Variants in STAT4 observed in about 807,000 individuals in gnomAD.
The protein encoded by STAT4 is signal transducer and activator of transcription 4.
Under a neutral mutation model 110.5 loss-of-function variants are expected in STAT4, and 42 were observed. That is an observed-to-expected ratio of 0.38 (90% CI 0.30 to 0.49). The LOEUF is 0.49. STAT4 is among the 20% of genes least tolerant of loss of function. The pLI, the probability that STAT4 is intolerant of heterozygous loss-of-function variation, is 0.95. For synonymous variants in STAT4, 284 were observed against 302.2 expected (o/e 0.94, Z 0.63); for missense variants, 632 against 887.9 (o/e 0.71, Z 3.66).
At chr2:191,034,712 G>A in intron 17 of STAT4, 115 bp from the exon 18 acceptor site, 1 of 763,034 alleles carries the variant, frequency 1.3e-6, no homozygotes, top group Admixed American at 1.8e-5. Context: ...CACTTGATAT[G>A]GGTTTGCAAT....
In STAT4 at chr2:191,050,321, T is replaced by C. The variant is rs1008809960; in HGVS notation, c.1251+4169A>G. 6.6e-6 allele frequency among the ~76,000 whole-genome samples: 1 copy of C among 152,222 alleles called. No individual in the cohort carries two copies. Among genetic ancestry groups the C allele is most frequent in the Non-Finnish European group, 1.5e-5 (1 of 68,034 alleles). On this transcript the variant is annotated intron_variant, in intron 14 of 23. Coordinates refer to ENST00000392320, the MANE Select transcript of STAT4 (RefSeq NM_003151.4). This position sits in a 1 kb window ranked among gnomAD's most constrained non-coding sequence, Gnocchi z 4.3. The stretch of plus-strand genomic sequence containing the variant: ...GGAACAGATTGATGGCCTCAAAGTC[T>C]GGCCACTTTCTAGGTGATGAAATTG...
intron 3 of STAT4, among the ~76,000 whole-genome samples, chr2:191,137,904 G>T (rs1298233486): frequency 6.6e-6 from 1 of 152,174 alleles, no homozygotes; most frequent in Non-Finnish European, 1.5e-5. Context: ...ATTATAAACT[G>T]CTACAAGATA....
At position 191,050,227 on chromosome 2, in the gene STAT4, C is replaced by T. The variant is rs1243178613; in HGVS notation, c.1251+4263G>A. 6.6e-6 allele frequency among the ~76,000 whole-genome samples: 1 copy of T among 152,228 alleles called. No individual in the cohort carries two copies. The highest frequency in any genetic ancestry group is 1.5e-5 in the Non-Finnish European group (1 of 68,044). On this transcript the variant is annotated intron_variant, in intron 14 of 23. Transcript: ENST00000392320. The surrounding 1 kb of genome is among the most constrained non-coding windows in gnomAD (Gnocchi z 4.3). ...CAGTTTTCACATTTCAATAATCACTCTCTAGCTGGCTCCCTGCTAGATAAG... is the reference window on the plus strand; with the variant it reads ...CAGTTTTCACATTTCAATAATCACTTTCTAGCTGGCTCCCTGCTAGATAAG...
At chr2:191,041,179 A>C in intron 14 of STAT4, 31 bp from the exon 15 acceptor site, 173 of 1,263,728 alleles carry the variant, frequency 1.4e-4, no homozygotes, top group Non-Finnish European at 1.7e-4. Context: ...TTGTTACCTC[A>C]CAAATGCATA....
intron 3 of STAT4, among the ~76,000 whole-genome samples, chr2:191,137,224 T>C (rs898425135): frequency 6.6e-6 from 1 of 151,948 alleles, no homozygotes; most frequent in African/African-American, 2.4e-5. Flanking sequence ...ACGCCTGTAG[T>C]CCCAGCTACT....
Position 191,049,394 on chromosome 2 carries a change from T to A in STAT4, c.1251+5096A>T, listed in dbSNP as rs141791535. Among the ~76,000 whole-genome samples, 685 of 152,154 alleles carry A rather than the reference T, an allele frequency of 4.5e-3. 5 individuals are homozygous for A. The highest frequency in any genetic ancestry group is 7.8e-3 in the Non-Finnish European group (529 of 67,990). On this transcript the variant is annotated intron_variant, in intron 14 of 23. Coordinates refer to ENST00000392320, the MANE Select transcript of STAT4 (RefSeq NM_003151.4). ...GGTTTCACTGTGTTAGCCAGGATGG[T>A]CTCACTCTCCTGACCTCGTGATCTG...
intron 3 of STAT4, among the ~76,000 whole-genome samples, chr2:191,137,186 T>C (rs933383328): frequency 2.6e-5 from 4 of 151,730 alleles, no homozygotes; most frequent in African/African-American, 9.7e-5. Flanking sequence ...CTAGTAAAAA[T>C]ACAAACATTA....
At chr2:191,069,513 G>T (rs957078145) in intron 6 of STAT4, among the ~76,000 whole-genome samples, 180 bp downstream of exon 6, 1 of 151,868 alleles carries the variant, frequency 6.6e-6, no homozygotes, top group African/African-American at 2.4e-5. Flanking sequence ...AGTTAAACAC[G>T]CACACACAGA....
chr2:191,094,371 T>C (rs1207360711), intron 3 of STAT4, among the ~76,000 whole-genome samples: 1 of 152,156 alleles, frequency 6.6e-6, no homozygotes, highest in East Asian at 1.9e-4. Flanking sequence ...GGGAAGCCCA[T>C]CAGACTAACA....
intron 13 of STAT4, among the ~76,000 whole-genome samples, chr2:191,057,602 CTT>C (rs112604744): frequency 7.1e-5 from 7 of 98,562 alleles, no homozygotes; most frequent in East Asian, 2.8e-4. Context: ...TTTTCTTTTT[CTT>C]TTTTTTTTTT....
chr2:191,137,470 T>C (rs1559083841), intron 3 of STAT4, among the ~76,000 whole-genome samples: 4 of 152,152 alleles, frequency 2.6e-5, no homozygotes, highest in Admixed American at 6.5e-5. Context: ...CCTATTAAAA[T>C]ACCAATGTCG....
At chr2:191,124,641 GTTTATCAAAC>G (rs1698829846) in intron 3 of STAT4, among the ~76,000 whole-genome samples, 1 of 152,110 alleles carries the variant, frequency 6.6e-6, no homozygotes, top group Non-Finnish European at 1.5e-5. Context: ...ATCACGTAGA[GTTTATCAAAC>G]TCATCTTGTT....
Position 191,146,556 on chromosome 2 carries a change from A to G in STAT4, c.273+57T>C. 2 of 1,325,202 alleles carry G rather than the reference A, an allele frequency of 1.5e-6. No homozygotes were observed. The highest frequency in any genetic ancestry group is 2.8e-5 in the East Asian group (1 of 36,118). The allele number at this position is 1,325,202 out of a possible 1,614,324, so 82.1% of individuals were successfully genotyped here. On this transcript the variant is annotated intron_variant, in intron 3 of 23. Transcript: ENST00000392320. The surrounding 1 kb of genome is among the most constrained non-coding windows in gnomAD (Gnocchi z 4.5). ...ATATAAGGGTACATATTTAATTTTT[A>G]ACTAAATTTAAGACTCATATATCCA...
At position 191,099,131 on chromosome 2, in the gene STAT4, A is replaced by T. The variant is rs1220664367; in HGVS notation, c.274-22806T>A. Among the ~76,000 whole-genome samples the T allele has an allele frequency of 6.6e-6, 1 of 152,074 alleles. No individual in the cohort carries two copies. Among genetic ancestry groups the T allele is most frequent in the Non-Finnish European group, 1.5e-5 (1 of 67,978 alleles). On this transcript the variant is annotated intron_variant, in intron 3 of 23. Transcript: ENST00000392320. The surrounding 1 kb of genome is among the most constrained non-coding windows in gnomAD (Gnocchi z 4.1). ...AGGATGCCCCATCTCCCAAATAGTT[A>T]GGAAAAAAGCAAATTTAAAATAAAG...
At chr2:191,136,756 A>G (rs1352767627) in intron 3 of STAT4, among the ~76,000 whole-genome samples, 1 of 152,202 alleles carries the variant, frequency 6.6e-6, no homozygotes, top group Non-Finnish European at 1.5e-5. Context: ...CTCTGTATCA[A>G]AAAAGAAAAA....
chr2:191,040,654 T>TG (rs1696167483), intron 15 of STAT4, among the ~76,000 whole-genome samples: 1 of 152,256 alleles, frequency 6.6e-6, no homozygotes, highest in African/African-American at 2.4e-5. Flanking sequence ...CTCCACCTCC[T>TG]GGGCTCAATC....
Position 191,060,494 on chromosome 2 carries a change from C to T in STAT4, c.1034+1235G>A, listed in dbSNP as rs1012707588. The stretch of plus-strand genomic sequence containing the variant: ...AGTGCAGTGGCGTGAGTGCAGTGTA[C>T]TGCAACCTCTACCTACTGGGTTCAA... On this transcript the variant is annotated intron_variant, in intron 10 of 23. Coordinates refer to ENST00000392320, the MANE Select transcript of STAT4 (RefSeq NM_003151.4). The surrounding 1 kb of genome is among the most constrained non-coding windows in gnomAD (Gnocchi z 4.5). Among the ~76,000 whole-genome samples the T allele has an allele frequency of 3.9e-5, 6 of 152,200 alleles. No individual in the cohort carries two copies. Among genetic ancestry groups the T allele is most frequent in the Non-Finnish European group, 8.8e-5 (6 of 68,042 alleles).
chr2:191,057,946 T>A (rs1696751387), intron 13 of STAT4, 72 bp downstream of exon 13: 1 of 1,252,604 alleles, frequency 8.0e-7, no homozygotes, highest in Admixed American at 1.8e-5. Context: ...CATACTGAAT[T>A]ATAAGGCGTA....
At chr2:191,103,096 T>C (rs1220847318) in intron 3 of STAT4, among the ~76,000 whole-genome samples, 1 of 152,182 alleles carries the variant, frequency 6.6e-6, no homozygotes, top group Non-Finnish European at 1.5e-5. Context: ...TTGCTCCTTT[T>C]AGTTTTCTGC....
Sources: gnomAD v4.1 joint callset for allele counts (sites outside exome capture counted in the v4.1 genomes callset) on GRCh38, gnomAD v4.1.1 for gene constraint, Gnocchi (gnomAD v3.1) non-coding constraint, MANE v1.5 for transcripts, NCBI Gene and HGNC (gene_info 2026-07-23, HGNC 2026-07-21) for gene names.